Variants in DCDC1 observed in about 807,000 individuals in gnomAD.
DCDC1 encodes doublecortin domain containing 1, also known as doublecortin domain-containing protein 1.
In DCDC1, 200 loss-of-function variants were observed where a neutral mutation model predicts 178.3. The observed-to-expected ratio is 1.12, with a 90% CI of 1.00 to 1.26. DCDC1 has a LOEUF of 1.26. Ranked by LOEUF, DCDC1 falls within the 50% of genes most tolerant of loss-of-function variation. The probability of loss-of-function intolerance (pLI) is 0.00; values close to 1 mark genes in which losing one functional copy is unlikely to be tolerated. For synonymous variants in DCDC1, 690 were observed against 604.8 expected (o/e 1.14, Z -2.07); for missense variants, 1,983 against 1,749.2 (o/e 1.13, Z -2.38).
At chr11:31,124,981 CACAA>C (rs1961390734) in intron 11 of DCDC1, among the ~76,000 whole-genome samples, 1 of 151,974 alleles carries the variant, frequency 6.6e-6, no homozygotes, top group Middle Eastern at 3.4e-3. Flanking sequence ...CTATCATCAG[CACAA>C]ACAGACAACC....
chr11:31,291,725 C>T (rs1288374912), intron 6 of DCDC1, among the ~76,000 whole-genome samples: 1 of 151,914 alleles, frequency 6.6e-6, no homozygotes, highest in Non-Finnish European at 1.5e-5. Context: ...ATGATCCCTC[C>T]CTCATCTGCT....
intron 36 of DCDC1, chr11:30,882,258 ACAAG>A (rs1942751084): frequency 6.6e-6 from 1 of 152,202 alleles, no homozygotes; most frequent in Non-Finnish European, 1.5e-5. Context: ...ATGAGCCAAG[ACAAG>A]AAGAGTGATG....
intron 36 of DCDC1, among the ~76,000 whole-genome samples, chr11:30,886,472 T>G (rs1943180608): frequency 6.6e-6 from 1 of 152,142 alleles, no homozygotes. Flanking sequence ...GTCTGGGAAG[T>G]TGAAGATCAA....
chr11:31,109,235 C>T (rs919104845), intron 12 of DCDC1, among the ~76,000 whole-genome samples: 2 of 151,670 alleles, frequency 1.3e-5, no homozygotes, highest in African/African-American at 4.8e-5. Flanking sequence ...CCCCCCACCT[C>T]AGCCCCCGAG....
At chr11:30,978,803 C>T (rs919517285) in intron 20 of DCDC1, among the ~76,000 whole-genome samples, 2 of 147,770 alleles carry the variant, frequency 1.4e-5, no homozygotes, top group East Asian at 3.9e-4. Flanking sequence ...CACACACACA[C>T]ACACACACAC....
At chr11:30,903,333 G>T in intron 32 of DCDC1, 149 bp downstream of exon 32, 1 of 744,064 alleles carries the variant, frequency 1.3e-6, no homozygotes, top group Non-Finnish European at 1.9e-6. Flanking sequence ...AAAACAACAT[G>T]ACAATTTCAT....
At chr11:30,865,753 GT>G (rs997946825) in intron 38 of DCDC1, among the ~76,000 whole-genome samples, 203 of 148,206 alleles carry the variant, frequency 1.4e-3, no homozygotes, top group African/African-American at 4.2e-3. Flanking sequence ...TAGGATAATA[GT>G]TTTTTTTTTA....
In DCDC1 at chr11:30,892,990, A is replaced by G. The variant is rs1399213523; in HGVS notation, c.4910T>C (p.Leu1637Pro). Residue 1637 changes from leucine to proline, a missense_variant, in exon 36 of 39, where the codon CTT (leucine) becomes CCT (proline). Physicochemically the swap from Leu to Pro is moderately conservative, Grantham distance 98 (BLOSUM62 -3). Transcript: ENST00000684477. ...MELIRHTEAHLSEIQEMESKI... is the reference protein window; with the variant it reads ...MELIRHTEAHPSEIQEMESKI... The stretch of plus-strand genomic sequence containing the variant: ...GGATTCCATTTCTTGGATTTCAGAA[A>G]GGTGTGCCTGTCAAGAAAAGCCCAG... The G allele has an allele frequency of 6.2e-7, 1 of 1,613,818 alleles. No individual in the cohort carries two copies. The highest frequency in any genetic ancestry group is 8.5e-7 in the Non-Finnish European group (1 of 1,179,838).
chr11:31,363,319 A>C (rs1951800527), intron 1 of DCDC1, among the ~76,000 whole-genome samples: 1 of 152,174 alleles, frequency 6.6e-6, no homozygotes, highest in African/African-American at 2.4e-5. Context: ...TTAGCATTTA[A>C]AAACCTATAA....
At chr11:31,040,434 C>A (rs934926889) in intron 20 of DCDC1, among the ~76,000 whole-genome samples, 1 of 152,110 alleles carries the variant, frequency 6.6e-6, no homozygotes, top group Non-Finnish European at 1.5e-5. Context: ...CCAGGAGATG[C>A]GCATGCTGCT....
At chr11:31,282,062 G>C (rs1335228054) in intron 7 of DCDC1, among the ~76,000 whole-genome samples, 1 of 152,016 alleles carries the variant, frequency 6.6e-6, no homozygotes, top group African/African-American at 2.4e-5. Context: ...TTCTTTTCTA[G>C]TAATGTCTTT....
At chr11:31,219,124 C>T (rs934027332) in intron 9 of DCDC1, among the ~76,000 whole-genome samples, 3 of 151,900 alleles carry the variant, frequency 2.0e-5, no homozygotes, top group Admixed American at 6.6e-5. Flanking sequence ...CACACACACA[C>T]AGCCCACATT....
chr11:31,144,750 GT>G (rs1964255253), intron 9 of DCDC1, among the ~76,000 whole-genome samples: 1 of 151,470 alleles, frequency 6.6e-6, no homozygotes, highest in Non-Finnish European at 1.5e-5. Context: ...ACTTTCCTTG[GT>G]TTTTATCTTT....
At chr11:31,016,999 T>TTTAAAAACTTGGTATGTA (rs1952520032) in intron 20 of DCDC1, among the ~76,000 whole-genome samples, 1 of 152,218 alleles carries the variant, frequency 6.6e-6, no homozygotes, top group Non-Finnish European at 1.5e-5. Context: ...ATTGTTTGAT[T>TTTAAAAACTTGGTATGTA]GTCCAGTCAT....
intron 24 of DCDC1, 109 bp from the exon 25 acceptor site, chr11:30,921,044 G>C: frequency 8.4e-7 from 1 of 1,187,890 alleles, no homozygotes; most frequent in Admixed American, 2.7e-5. Flanking sequence ...CATCTATTTG[G>C]TCTATTCATA....
chr11:31,291,360 A>T (rs936679160), intron 6 of DCDC1, among the ~76,000 whole-genome samples: 3 of 152,078 alleles, frequency 2.0e-5, no homozygotes, highest in African/African-American at 7.2e-5. Flanking sequence ...GACTAGAAGG[A>T]AGGTGCCTTC....
intron 38 of DCDC1, among the ~76,000 whole-genome samples, chr11:30,877,051 T>C (rs1188937705): frequency 6.6e-6 from 1 of 152,190 alleles, no homozygotes; most frequent in Non-Finnish European, 1.5e-5. Flanking sequence ...AGAAAATGTC[T>C]GTAAAAGGGC....
intron 7 of DCDC1, among the ~76,000 whole-genome samples, chr11:31,281,302 G>C (rs1260612462): frequency 6.6e-6 from 1 of 152,002 alleles, no homozygotes; most frequent in African/African-American, 2.4e-5. Context: ...GAAATGAAAA[G>C]AGAGGACATC....
At chr11:31,275,709 G>T (rs972009802) in intron 7 of DCDC1, among the ~76,000 whole-genome samples, 1 of 152,024 alleles carries the variant, frequency 6.6e-6, no homozygotes, top group Non-Finnish European at 1.5e-5. Context: ...TCTCCATGTT[G>T]GTCAGGCTGG....
Sources: gnomAD v4.1 joint callset for allele counts (sites outside exome capture counted in the v4.1 genomes callset) on GRCh38, gnomAD v4.1.1 for gene constraint, MANE v1.5 for transcripts, NCBI Gene and HGNC (gene_info 2026-07-23, HGNC 2026-07-21) for gene names.